Variants in CFAP299 observed in about 807,000 individuals in gnomAD.
The protein encoded by CFAP299 is cilia and flagella associated protein 299, also known as cilia- and flagella-associated protein 299.
In CFAP299, 21 loss-of-function variants were observed where a neutral mutation model predicts 27.0. The ratio of observed to expected loss-of-function variants is 0.78; its 90% CI spans 0.55 to 1.12. The LOEUF (loss-of-function observed/expected upper bound fraction) is 1.12, where lower values mean the gene tolerates loss of function less well. CFAP299 is among the 50% of genes most tolerant of loss of function. The probability of loss-of-function intolerance (pLI) is 0.00; values close to 1 mark genes in which losing one functional copy is unlikely to be tolerated. For synonymous variants in CFAP299, 104 were observed against 98.1 expected (o/e 1.06, Z -0.36); for missense variants, 310 against 276.6 (o/e 1.12, Z -0.86).
intron 3 of CFAP299, among the ~76,000 whole-genome samples, chr4:80,763,206 G>T (rs549687407): frequency 6.6e-6 from 1 of 152,032 alleles, no homozygotes; most frequent in African/African-American, 2.4e-5. Context: ...TAGAAAACCC[G>T]ATTGTCTCAG....
At chr4:80,328,086 A>C in the CFAP299 span, among the ~76,000 whole-genome samples, 1 of 151,956 alleles carries the variant, frequency 6.6e-6, no homozygotes, top group Non-Finnish European at 1.5e-5. Context: ...GAAAAAAAAC[A>C]ATCTTAGTCA....
intron 4 of CFAP299, among the ~76,000 whole-genome samples, chr4:80,911,256 A>G (rs946952673): frequency 6.8e-5 from 6 of 87,758 alleles, no homozygotes; most frequent in African/African-American, 2.6e-4. Flanking sequence ...CTTCTTTTCT[A>G]TATTGTAATC....
At chr4:80,886,957 T>C (rs1268128927) in intron 4 of CFAP299, among the ~76,000 whole-genome samples, 1 of 152,014 alleles carries the variant, frequency 6.6e-6, no homozygotes, top group Non-Finnish European at 1.5e-5. Context: ...TATCAGAGTC[T>C]CTTAATACTA....
intron 1 of CFAP299, among the ~76,000 whole-genome samples, chr4:80,349,692 T>A (rs1340187625): frequency 6.6e-6 from 1 of 152,206 alleles, no homozygotes; most frequent in African/African-American, 2.4e-5. Flanking sequence ...TTTCTATAGA[T>A]GAAGAAAAAG....
At chr4:80,743,360 C>CAT (rs1431142121) in intron 3 of CFAP299, among the ~76,000 whole-genome samples, 1 of 151,930 alleles carries the variant, frequency 6.6e-6, no homozygotes, top group African/African-American at 2.4e-5. Flanking sequence ...TCTGTAGATA[C>CAT]ATATATATAC....
At chr4:80,834,043 T>A (rs906251447) in intron 3 of CFAP299, among the ~76,000 whole-genome samples, 1 of 152,198 alleles carries the variant, frequency 6.6e-6, no homozygotes, top group African/African-American at 2.4e-5. Flanking sequence ...AGATGGAAAA[T>A]ACTTGCAGTT....
intron 5 of CFAP299, among the ~76,000 whole-genome samples, chr4:80,962,971 A>T (rs889846595): frequency 1.3e-5 from 2 of 151,810 alleles, no homozygotes; most frequent in East Asian, 3.9e-4. Flanking sequence ...AACTATGCTA[A>T]TTTTTTTTAA....
rs556574303 is a variant in CFAP299, at chr4:80,689,700, T to C, written c.333+106517T>C. On this transcript the variant is annotated intron_variant, in intron 3 of 5. Coordinates refer to ENST00000358105, the MANE Select transcript of CFAP299 (RefSeq NM_152770.3). ...CAAATTCACACATAACAATATTAAC[T>C]TTAAATGTAAATGGACTAAATGCTC... 3.9e-5 allele frequency among the ~76,000 whole-genome samples: 6 copies of C among 152,182 alleles called. No homozygotes were observed. In the South Asian group the frequency reaches 1.0e-3, roughly 26 times the overall value.
At chr4:80,328,376 G>A in the CFAP299 span, among the ~76,000 whole-genome samples, 1 of 152,058 alleles carries the variant, frequency 6.6e-6, no homozygotes, top group African/African-American at 2.4e-5. Context: ...TCCTTGAGAA[G>A]GTGAGAGAGG....
At chr4:80,846,375 T>C (rs1421270856) in intron 3 of CFAP299, among the ~76,000 whole-genome samples, 1 of 152,158 alleles carries the variant, frequency 6.6e-6, no homozygotes, top group Non-Finnish European at 1.5e-5. Flanking sequence ...GTCAGGGTCT[T>C]ACTTTGTTCA....
At chr4:80,810,820 A>T (rs1473140502) in intron 3 of CFAP299, among the ~76,000 whole-genome samples, 1 of 152,138 alleles carries the variant, frequency 6.6e-6, no homozygotes, top group Non-Finnish European at 1.5e-5. Context: ...CATGCATCTT[A>T]TAAAACTCAG....
At chr4:80,705,116 T>C (rs1434874751) in intron 3 of CFAP299, among the ~76,000 whole-genome samples, 1 of 151,822 alleles carries the variant, frequency 6.6e-6, no homozygotes, top group Non-Finnish European at 1.5e-5. Context: ...CGACCTTCTC[T>C]TTGCCTGTAT....
intron 3 of CFAP299, among the ~76,000 whole-genome samples, chr4:80,828,854 T>C (rs183218724): frequency 6.6e-6 from 1 of 152,022 alleles, no homozygotes; most frequent in Non-Finnish European, 1.5e-5. Context: ...ATGTTTTTAG[T>C]GAATGGTGTT....
At chr4:80,616,880 T>A (rs1385731488) in intron 3 of CFAP299, among the ~76,000 whole-genome samples, 3 of 152,118 alleles carry the variant, frequency 2.0e-5, no homozygotes, top group Non-Finnish European at 4.4e-5. Context: ...TTTTAAGAAT[T>A]CTAAATATTG....
intron 3 of CFAP299, among the ~76,000 whole-genome samples, chr4:80,738,953 CTATCT>C (rs1331271090): frequency 2.0e-5 from 3 of 151,882 alleles, no homozygotes; most frequent in Non-Finnish European, 4.4e-5. Context: ...CTTGCAGGTA[CTATCT>C]TATAACCCAT....
At chr4:80,439,568 C>T (rs1230298261) in intron 2 of CFAP299, among the ~76,000 whole-genome samples, 3 of 152,304 alleles carry the variant, frequency 2.0e-5, no homozygotes, top group East Asian at 3.9e-4. Flanking sequence ...GAGATTCCCT[C>T]GGGTGCCTAC....
chr4:80,915,017 A>T lies in CFAP299; in HGVS notation c.477-29793A>T, dbSNP rs374964394. On this transcript the variant is annotated intron_variant, in intron 4 of 5. Coordinates refer to ENST00000358105, the MANE Select transcript of CFAP299 (RefSeq NM_152770.3). ...TTTTTTTCTTATCTCAGATTATTGA[A>T]TTGTGGCCATTTTTCCTAATATGAG... is the stretch of plus-strand genomic sequence containing the variant. Among the ~76,000 whole-genome samples, 48 of 151,728 alleles carry T rather than the reference A, an allele frequency of 3.2e-4. No homozygotes were observed. The East Asian group carries it at 8.5e-3, about 27-fold the overall frequency.
At chr4:80,902,600 C>T (rs1158384440) in intron 4 of CFAP299, among the ~76,000 whole-genome samples, 8 of 146,228 alleles carry the variant, frequency 5.5e-5, no homozygotes, top group African/African-American at 1.8e-4. Context: ...CACACACACA[C>T]ACACACACAC....
intron 2 of CFAP299, among the ~76,000 whole-genome samples, chr4:80,371,715 T>C (rs929915355): frequency 2.0e-5 from 3 of 152,168 alleles, no homozygotes; most frequent in Non-Finnish European, 4.4e-5. Flanking sequence ...TGATCTTTGC[T>C]CTAGTTTCTA....
Sources: allele counts gnomAD v4.1 joint callset (sites outside exome capture counted in the v4.1 genomes callset), GRCh38; gene constraint gnomAD v4.1.1; transcripts MANE v1.5; gene names NCBI Gene and HGNC (gene_info 2026-07-23, HGNC 2026-07-21).